Variants in SRPK1 observed in about 807,000 individuals in gnomAD.
SRPK1 encodes SFRS protein kinase 1.
Under a neutral mutation model 89.5 loss-of-function variants are expected in SRPK1, and 52 were observed. The observed-to-expected ratio is 0.58, with a 90% CI of 0.46 to 0.73. The LOEUF is 0.73. Among genes scored for constraint, SRPK1 ranks in the 30% least tolerant of loss-of-function variants. The pLI is 0.00. For synonymous variants in SRPK1, 255 were observed against 270.2 expected (o/e 0.94, Z 0.55); for missense variants, 603 against 780.6 (o/e 0.77, Z 2.71).
In SRPK1 at chr6:35,872,739, A is replaced by G. The variant is rs774817868; in HGVS notation, c.586-11T>C. On this transcript the variant is annotated splice_polypyrimidine_tract_variant and intron_variant, in intron 7 of 15. Coordinates refer to ENST00000373825, the MANE Select transcript of SRPK1 (RefSeq NM_003137.5). ...AAGACCCTGTAACACCTGAATGGAAATAGAGTGGCAGACTTGCAAACACAA... is the reference window on the plus strand; with the variant it reads ...AAGACCCTGTAACACCTGAATGGAAGTAGAGTGGCAGACTTGCAAACACAA... 15 of 1,588,046 alleles carry G rather than the reference A, an allele frequency of 9.4e-6. No homozygotes were observed. The highest frequency in any genetic ancestry group is 1.4e-5 in the African/African-American group (1 of 74,026).
At chr6:35,837,351 C>T (rs1014759887) in intron 15 of SRPK1, among the ~76,000 whole-genome samples, 9 of 152,158 alleles carry the variant, frequency 5.9e-5, no homozygotes, top group South Asian at 4.1e-4. Flanking sequence ...TTAGACCAAA[C>T]GCCAGCAAAA....
At chr6:35,856,408 C>T (rs1769667483) in intron 13 of SRPK1, among the ~76,000 whole-genome samples, 1 of 152,036 alleles carries the variant, frequency 6.6e-6, no homozygotes, top group Non-Finnish European at 1.5e-5. Flanking sequence ...AATTTGTAGC[C>T]AGTTGATTAG....
At chr6:35,845,302 A>G (rs1219366738) in intron 13 of SRPK1, among the ~76,000 whole-genome samples, 1 of 152,222 alleles carries the variant, frequency 6.6e-6, no homozygotes, top group East Asian at 1.9e-4. Flanking sequence ...TTTGTAACAA[A>G]TGTATCACTC....
chr6:35,894,715 G>A (rs1229889477), intron 2 of SRPK1, among the ~76,000 whole-genome samples: 4 of 151,916 alleles, frequency 2.6e-5, no homozygotes, highest in Non-Finnish European at 5.9e-5. Context: ...AAGACAATGA[G>A]GCAATGACTT....
intron 6 of SRPK1, among the ~76,000 whole-genome samples, chr6:35,885,290 C>CAGAG (rs1561985856): frequency 1.8e-4 from 24 of 135,468 alleles, no homozygotes; most frequent in African/African-American, 6.6e-4. Flanking sequence ...CACACACACA[C>CAGAG]ACACACACAG....
At chr6:35,842,474 G>A in intron 14 of SRPK1, 61 bp downstream of exon 14, 1 of 1,348,702 alleles carries the variant, frequency 7.4e-7, no homozygotes, top group Non-Finnish European at 1.0e-6. Context: ...AACAAATGAT[G>A]TTAGCTTAAT....
Position 35,869,575 on chromosome 6 carries a change from G to C in SRPK1, c.1318C>G (p.Gln440Glu). The C allele has an allele frequency of 6.2e-7, 1 of 1,613,968 alleles. No individual in the cohort carries two copies. Among genetic ancestry groups the C allele is most frequent in the Non-Finnish European group, 8.5e-7 (1 of 1,179,872 alleles). The change falls in exon 11 of 16, where the codon CAA becomes GAA. Residue 440 changes from glutamine to glutamate, a missense_variant. Gln to Glu is a conservative substitution (Grantham distance 29). Transcript: ENST00000373825. ...SSTVGQSFSE[Q>E]HISQLQESIR... ...CTTTCTTGAAGTTGGCTAATGTGTT[G>C]TTCACTGAATGACTGACCTACAGTT...
chr6:35,837,767 A>C lies in SRPK1; in HGVS notation c.1783+570T>G, dbSNP rs1033156508. Reference sequence around the variant, plus strand: ...GAGACAGGGTTTTCCTGTGCTGCCCAGGCTGGTCTTGAACTCCTAGACTCA... The same window carrying C: ...GAGACAGGGTTTTCCTGTGCTGCCCCGGCTGGTCTTGAACTCCTAGACTCA... On this transcript the variant is annotated intron_variant, in intron 15 of 15. Transcript: ENST00000373825. 6.6e-5 allele frequency among the ~76,000 whole-genome samples: 10 copies of C among 151,780 alleles called. 1 individual carries two copies. In the East Asian group the frequency reaches 1.7e-3, roughly 26 times the overall value.
chr6:35,872,560 C>A lies in SRPK1; in HGVS notation c.751+3G>T, dbSNP rs772534946. Reference sequence around the variant, plus strand: ...ATAGCGAAGTCCCTAAAAGAAAATACACCTGCAGATCCGGAAGGCGGAGGA... The same window carrying A: ...ATAGCGAAGTCCCTAAAAGAAAATAAACCTGCAGATCCGGAAGGCGGAGGA... On this transcript the variant is annotated splice_donor_region_variant and intron_variant, in intron 8 of 15. Coordinates refer to ENST00000373825, the MANE Select transcript of SRPK1 (RefSeq NM_003137.5). 1 of 1,591,338 alleles carries A rather than the reference C, an allele frequency of 6.3e-7. No individual in the cohort carries two copies.
chr6:35,919,793 A>G (rs1771187947), intron 2 of SRPK1, among the ~76,000 whole-genome samples: 1 of 152,250 alleles, frequency 6.6e-6, no homozygotes, highest in South Asian at 2.1e-4. Flanking sequence ...AATGTTTGTT[A>G]AAGAACTCTC....
rs762509990 is a variant in SRPK1, at chr6:35,869,865, A to G, written c.1028T>C (p.Met343Thr). The change falls in exon 11 of 16, where the codon ATG becomes ACG. Residue 343 changes from methionine (M) to threonine (T), a missense_variant. Coordinates refer to ENST00000373825, the MANE Select transcript of SRPK1 (RefSeq NM_003137.5). ...TGCACCACCCTCTGTATCACGTTCC[A>G]TAAGCGTTTGATCCTGGCCAATGGT... ...SSTIGQDQTL[M>T]ERDTEGGAAE... 4.4e-6 allele frequency: 7 copies of G among 1,594,012 alleles called. No homozygotes were observed. The highest frequency in any genetic ancestry group is 2.2e-5 in the East Asian group (1 of 44,784).
intron 1 of SRPK1, 46 bp from the exon 2 acceptor site, chr6:35,920,574 G>C: frequency 6.3e-7 from 1 of 1,595,012 alleles, no homozygotes; most frequent in Non-Finnish European, 8.6e-7. Flanking sequence ...GAGGAAAGGA[G>C]GCGACCAAGG....
intron 13 of SRPK1, among the ~76,000 whole-genome samples, chr6:35,848,729 A>C (rs141069358): frequency 6.6e-6 from 1 of 152,230 alleles, no homozygotes; most frequent in Non-Finnish European, 1.5e-5. Context: ...ATCTTTGACA[A>C]AATTGCCAAG....
chr6:35,910,380 A>C (rs1770935440), intron 2 of SRPK1, among the ~76,000 whole-genome samples: 1 of 152,170 alleles, frequency 6.6e-6, no homozygotes, highest in Admixed American at 6.5e-5. Flanking sequence ...AATCCAGAGC[A>C]AGGCCCTGGA....
intron 6 of SRPK1, among the ~76,000 whole-genome samples, chr6:35,875,615 C>T (rs567109064): frequency 7.2e-5 from 11 of 152,246 alleles, no homozygotes; most frequent in Non-Finnish European, 1.0e-4. Flanking sequence ...GGAAGAGAAA[C>T]ATCTTCTTTA....
At chr6:35,839,286 G>T (rs1162835393) in intron 14 of SRPK1, among the ~76,000 whole-genome samples, 1 of 152,140 alleles carries the variant, frequency 6.6e-6, no homozygotes, top group African/African-American at 2.4e-5. Flanking sequence ...GAAGTGTTGG[G>T]ATTACAGGCC....
intron 12 of SRPK1, among the ~76,000 whole-genome samples, chr6:35,867,494 T>C (rs1769930816): frequency 6.6e-6 from 1 of 152,186 alleles, no homozygotes; most frequent in Non-Finnish European, 1.5e-5. Flanking sequence ...TGAATCATTC[T>C]ATTATAAATT....
At chr6:35,870,255 T>C (rs751256956) in intron 10 of SRPK1, 26 bp downstream of exon 10, 1 of 1,594,058 alleles carries the variant, frequency 6.3e-7, no homozygotes, top group Non-Finnish European at 8.6e-7. Context: ...TGTTGTACAG[T>C]AATTTTCGTG....
intron 14 of SRPK1, chr6:35,838,776 C>T: frequency 7.2e-7 from 1 of 1,383,644 alleles, no homozygotes; most frequent in Non-Finnish European, 9.7e-7. Context: ...TGCCTATCAG[C>T]TCTATAATGT....
Sources: allele counts gnomAD v4.1 joint callset (sites outside exome capture counted in the v4.1 genomes callset), GRCh38; gene constraint gnomAD v4.1.1; transcripts MANE v1.5; gene names NCBI Gene and HGNC (gene_info 2026-07-23, HGNC 2026-07-21).